PTPRD: variants seen among roughly 807,000 people sequenced by gnomAD.
PTPRD encodes the protein protein tyrosine phosphatase receptor type D, also known as receptor-type tyrosine-protein phosphatase delta.
A neutral mutation model predicts 214.5 loss-of-function variants in PTPRD; 34 were observed. The observed-to-expected ratio is 0.16, with a 90% confidence interval of 0.12 to 0.21. The LOEUF is 0.21. Ranked by LOEUF, PTPRD falls within the 10% of genes least tolerant of loss-of-function variation. PTPRD has a pLI of 1.00. For missense variants in PTPRD, 2,545 were observed against 2,398.7 expected (o/e 1.06, Z -1.27); for synonymous variants, 1,128 against 845.7 (o/e 1.33, Z -5.79).
chr9:10,128,247 A>G (rs1423164802), intron 3 of PTPRD, among the ~76,000 whole-genome samples: 2 of 152,136 alleles, frequency 1.3e-5, no homozygotes, highest in Non-Finnish European at 1.5e-5. Context: ...CTAACACACA[A>G]TGGCTTAGAA....
intron 11 of PTPRD, among the ~76,000 whole-genome samples, chr9:8,894,278 C>T (rs2098580193): frequency 7.0e-6 from 1 of 143,116 alleles, no homozygotes; most frequent in African/African-American, 2.5e-5. Context: ...TTGCTTGAAC[C>T]TGGGAGGCAG....
chr9:8,630,875 A>C (rs1380207608), intron 14 of PTPRD, among the ~76,000 whole-genome samples: 1 of 151,894 alleles, frequency 6.6e-6, no homozygotes, highest in Non-Finnish European at 1.5e-5. Flanking sequence ...GGATGCATAA[A>C]GATAAGTCAA....
intron 6 of PTPRD, among the ~76,000 whole-genome samples, chr9:9,762,184 C>A (rs2098663846): frequency 6.6e-6 from 1 of 152,156 alleles, no homozygotes; most frequent in Non-Finnish European, 1.5e-5. Context: ...CTGATAACTT[C>A]CCTCTTGGAA....
At chr9:10,229,630 C>G (rs1176087388) in intron 3 of PTPRD, among the ~76,000 whole-genome samples, 1 of 148,954 alleles carries the variant, frequency 6.7e-6, no homozygotes, top group Non-Finnish European at 1.5e-5. Flanking sequence ...CATGTTCTCA[C>G]TCATAGGTGG....
At chr9:8,589,344 T>C (rs755642216) in intron 14 of PTPRD, among the ~76,000 whole-genome samples, 15 of 152,154 alleles carry the variant, frequency 9.9e-5, no homozygotes, top group Non-Finnish European at 1.8e-4. Flanking sequence ...TGTAGCAAAA[T>C]ACTCTAGATA....
chr9:9,164,870 CA>C (rs2099898923), intron 10 of PTPRD, among the ~76,000 whole-genome samples: 2 of 149,350 alleles, frequency 1.3e-5, no homozygotes, highest in Non-Finnish European at 2.9e-5. Flanking sequence ...CAAAACAAAA[CA>C]AAACAAAACA....
chr9:9,251,384 T>C (rs1001387986), intron 9 of PTPRD, among the ~76,000 whole-genome samples: 1 of 152,164 alleles, frequency 6.6e-6, no homozygotes, highest in Non-Finnish European at 1.5e-5. Context: ...TATATCCCTA[T>C]ACATATTCAT....
At chr9:10,002,581 C>G (rs1475484752) in intron 4 of PTPRD, among the ~76,000 whole-genome samples, 1 of 150,646 alleles carries the variant, frequency 6.6e-6, no homozygotes, top group South Asian at 2.1e-4. Context: ...CAAAATTTTA[C>G]TAGCACAAAA....
chr9:9,406,031 C>T (rs1037618483), intron 8 of PTPRD, among the ~76,000 whole-genome samples: 1 of 151,808 alleles, frequency 6.6e-6, no homozygotes, highest in African/African-American at 2.4e-5. Context: ...ATTTGGATAA[C>T]TTTGGTTTGG....
intron 4 of PTPRD, among the ~76,000 whole-genome samples, chr9:9,949,346 C>G (rs2093183853): frequency 6.6e-6 from 1 of 152,020 alleles, no homozygotes; most frequent in African/African-American, 2.4e-5. Flanking sequence ...TAAAAATTAT[C>G]TCCCATTAAC....
At chr9:10,315,983 T>A (rs989819626) in intron 3 of PTPRD, among the ~76,000 whole-genome samples, 1 of 151,850 alleles carries the variant, frequency 6.6e-6, no homozygotes, top group Non-Finnish European at 1.5e-5. Context: ...TTAGCCACTG[T>A]GGAATTCATA....
intron 3 of PTPRD, among the ~76,000 whole-genome samples, chr9:10,065,859 C>T (rs945245275): frequency 2.6e-5 from 4 of 151,886 alleles, no homozygotes; most frequent in Non-Finnish European, 5.9e-5. Context: ...TGGGCTGAGA[C>T]AACTGGTGTC....
At chr9:9,925,627 TA>T (rs146296241) in intron 5 of PTPRD, among the ~76,000 whole-genome samples, 5,821 of 151,886 alleles carry the variant, frequency 0.038, 135 homozygotes, top group Non-Finnish European at 0.056. Flanking sequence ...CAAAATTTTT[TA>T]AAAAAAACTC....
intron 11 of PTPRD, among the ~76,000 whole-genome samples, chr9:8,772,650 AT>A (rs2095284047): frequency 6.6e-6 from 1 of 152,180 alleles, no homozygotes; most frequent in Non-Finnish European, 1.5e-5. Flanking sequence ...CTCTAAAAAA[AT>A]AATAAAAATA....
intron 8 of PTPRD, among the ~76,000 whole-genome samples, chr9:9,563,077 G>C (rs1463985659): frequency 6.6e-6 from 1 of 152,096 alleles, no homozygotes; most frequent in Non-Finnish European, 1.5e-5. Flanking sequence ...TAATTGTATG[G>C]TTATAATTGT....
At chr9:10,278,980 T>C (rs932247286) in intron 3 of PTPRD, among the ~76,000 whole-genome samples, 3 of 152,114 alleles carry the variant, frequency 2.0e-5, no homozygotes, top group African/African-American at 4.8e-5. Context: ...TTCACCGTGT[T>C]AGCCAGGATG....
chr9:10,190,715 T>C (rs1273648274), intron 3 of PTPRD, among the ~76,000 whole-genome samples: 1 of 84,940 alleles, frequency 1.2e-5, no homozygotes, highest in Non-Finnish European at 2.1e-5. Flanking sequence ...CAAAACTCTG[T>C]CTCAAAAAAA....
intron 2 of PTPRD, among the ~76,000 whole-genome samples, chr9:10,431,670 A>C (rs1588064096): frequency 6.6e-6 from 1 of 152,250 alleles, no homozygotes; most frequent in East Asian, 1.9e-4. Flanking sequence ...ATGCAGCCAA[A>C]AAGCACATGA....
intron 3 of PTPRD, among the ~76,000 whole-genome samples, chr9:10,118,085 G>A (rs1476085083): frequency 6.6e-6 from 1 of 151,872 alleles, no homozygotes; most frequent in Non-Finnish European, 1.5e-5. Context: ...CCACATGGAG[G>A]TACCAGAGCT....
Sources: gnomAD v4.1 joint callset for allele counts (sites outside exome capture counted in the v4.1 genomes callset) on GRCh38, gnomAD v4.1.1 for gene constraint, MANE v1.5 for transcripts, NCBI Gene and HGNC (gene_info 2026-07-23, HGNC 2026-07-21) for gene names.